The following SRP72 variants were observed in gnomAD, a reference collection of about 807,000 sequenced individuals.
SRP72 encodes the protein signal recognition particle subunit SRP72.
Under a neutral mutation model 96.3 loss-of-function variants are expected in SRP72, and 49 were observed. That is an observed-to-expected ratio of 0.51 (90% CI 0.40 to 0.65). The LOEUF is 0.65. Among genes scored for constraint, SRP72 ranks in the 30% least tolerant of loss-of-function variants. The probability of loss-of-function intolerance (pLI) is 0.00; values close to 1 mark genes in which losing one functional copy is unlikely to be tolerated. For synonymous variants in SRP72, 267 were observed against 275.2 expected, an observed-to-expected ratio of 0.97 and a Z score of 0.30; for missense variants, 736 against 793.3, an observed-to-expected ratio of 0.93 and a Z score of 0.87.
At chr4:56,468,375 G>A (rs2110109476) in intron 1 of SRP72, among the ~76,000 whole-genome samples, 1 of 152,314 alleles carries the variant, frequency 6.6e-6, no homozygotes, top group East Asian at 1.9e-4. Context: ...CGGAAGAAAA[G>A]TTTGGCCTGT....
rs375099407 is a variant in SRP72, at chr4:56,484,811, G to A, written c.1033G>A (p.Ala345Thr). 1.5e-5 allele frequency: 24 copies of A among 1,614,102 alleles called. No homozygotes were observed. The highest frequency in any genetic ancestry group is 2.0e-5 in the Non-Finnish European group (24 of 1,180,032). Residue 345 changes from alanine (A) to threonine (T), a missense_variant, in exon 10 of 19, where the codon GCT becomes ACT. By Grantham distance (58) the Ala-to-Thr change is moderately conservative. This residue lies in a region of SRP72 where 388 missense variants were observed against 431.8 expected (regional missense o/e 0.90). Transcript: ENST00000642900. ...PEHLLPVLIQ[A>T]AQLCREKQHT... The stretch of plus-strand genomic sequence containing the variant: ...GCATCTCTTACCTGTGTTAATCCAA[G>A]CTGCCCAGCTCTGCCGTGAAAAGCA...
At chr4:56,484,633 ATTTGT>A (rs1720634943) in intron 9 of SRP72, 98 bp from the exon 10 acceptor site, 1 of 1,475,168 alleles carries the variant, frequency 6.8e-7, no homozygotes, top group Admixed American at 1.8e-5. Context: ...TTTGGTTAAT[ATTTGT>A]TTCAACTGAT....
At chr4:56,483,411 A>G in intron 9 of SRP72, 141 bp downstream of exon 9, 1 of 776,402 alleles carries the variant, frequency 1.3e-6, no homozygotes, top group East Asian at 3.3e-5. Flanking sequence ...TGCCTTCCTC[A>G]AAATATTATA....
intron 16 of SRP72, among the ~76,000 whole-genome samples, chr4:56,493,868 A>G (rs1475375242): frequency 6.6e-6 from 1 of 152,210 alleles, no homozygotes; most frequent in African/African-American, 2.4e-5. Flanking sequence ...TCTGTCTAAA[A>G]AAAAGGAACT....
At chr4:56,478,747 A>T in intron 8 of SRP72, 98 bp downstream of exon 8, 1 of 1,274,796 alleles carries the variant, frequency 7.8e-7, no homozygotes, top group East Asian at 2.4e-5. Context: ...GTTCTTTTTA[A>T]CATGATGAAA....
intron 1 of SRP72, among the ~76,000 whole-genome samples, chr4:56,468,830 C>T (rs935074516): frequency 5.3e-5 from 8 of 152,142 alleles, no homozygotes; most frequent in Non-Finnish European, 1.2e-4. Context: ...TGCAGGAATT[C>T]TTTAATCAGC....
chr4:56,487,986 A>T lies in SRP72; in HGVS notation c.1197A>T (p.Ile399=), dbSNP rs1282160931. 6.2e-7 allele frequency: 1 copy of T among 1,600,630 alleles called. No homozygotes were observed. The highest frequency in any genetic ancestry group is 8.5e-7 in the Non-Finnish European group (1 of 1,176,776). The change falls in exon 12 of 19, where the codon ATA becomes ATT. Residue 399 remains isoleucine, a synonymous_variant. Coordinates refer to ENST00000642900, the MANE Select transcript of SRP72 (RefSeq NM_006947.4). The part of the protein sequence containing the change: ...ISKACLILRS[I]EELKHKPGMV... ...AAGCATGTCTAATATTGAGAAGCAT[A>T]GAGGAGTTAAAGCATAAACCAGGCA...
rs769113964 is a variant in SRP72 at position 56,474,261 on chromosome 4, G to A, written c.499-19G>A. 9.9e-6 allele frequency: 16 copies of A among 1,613,526 alleles called. No individual in the cohort carries two copies. The highest frequency in any genetic ancestry group is 2.2e-5 in the East Asian group (1 of 44,856). ...ATTATTCATATTTAGTATTTAACTG[G>A]TATTTTGTCCCCTGACAGGAGAACC... On this transcript the variant is annotated intron_variant, in intron 4 of 18. Coordinates refer to ENST00000642900, the MANE Select transcript of SRP72 (RefSeq NM_006947.4).
At chr4:56,467,858 C>A in intron 1 of SRP72, 114 bp downstream of exon 1, 4 of 1,025,778 alleles carry the variant, frequency 3.9e-6, no homozygotes, top group Non-Finnish European at 5.3e-6. Flanking sequence ...ACCCCCGAAA[C>A]CCCCCCGTCT....
rs1386201900 is a variant in SRP72, at chr4:56,495,413, C to G, written c.1678+19C>G. On this transcript the variant is annotated intron_variant, in intron 17 of 18. Coordinates refer to ENST00000642900, the MANE Select transcript of SRP72 (RefSeq NM_006947.4). ...AAGAAGGGTAAGGCATTAAAAAAGTCTTTATAAATTTTCTCCAAAATAAAT... is the reference window on the plus strand; with the variant it reads ...AAGAAGGGTAAGGCATTAAAAAAGTGTTTATAAATTTTCTCCAAAATAAAT... The G allele has an allele frequency of 2.1e-6, 3 of 1,455,710 alleles. No homozygotes were observed. In the South Asian group the frequency reaches 3.6e-5, roughly 18 times the overall value. The allele number at this position is 1,455,710 out of a possible 1,614,324, so 90.2% of individuals were successfully genotyped here.
At position 56,490,451 on chromosome 4, in the gene SRP72, G is replaced by A. The variant is rs774348279; in HGVS notation, c.1424+15G>A. 10 of 1,610,676 alleles carry A rather than the reference G, an allele frequency of 6.2e-6. No individual in the cohort carries two copies. Among genetic ancestry groups the A allele is most frequent in the South Asian group, 2.2e-5 (2 of 90,518 alleles). On this transcript the variant is annotated intron_variant, in intron 14 of 18. Transcript: ENST00000642900. ...CAGCTGTGGAAGTAAGCTCTGAAAC[G>A]TGGAGTTGTAGAAATAACACATTTA...
chr4:56,473,543 C>T (rs910595853), intron 3 of SRP72, among the ~76,000 whole-genome samples: 6 of 151,062 alleles, frequency 4.0e-5, no homozygotes, highest in East Asian at 3.9e-4. Flanking sequence ...CTGAGGTGGG[C>T]GGATCACTTG....
At chr4:56,477,633 C>A (rs150473826) in intron 6 of SRP72, among the ~76,000 whole-genome samples, 268 of 152,172 alleles carry the variant, frequency 1.8e-3, no homozygotes, top group Non-Finnish European at 2.9e-3. Flanking sequence ...TTATCATTTC[C>A]TCATCAAACA....
chr4:56,467,659 G>C lies in SRP72; in HGVS notation c.24G>C (p.Gly8=), dbSNP rs552135994. The change falls in exon 1 of 19, where the codon GGG becomes GGC. Residue 8 remains glycine, a synonymous_variant. Transcript: ENST00000642900. MASGGSG[G]VSVPALWSEV... ...AGATGGCGAGCGGCGGCAGCGGGGGGGTGTCAGTACCTGCGCTGTGGAGTG... is the reference window on the plus strand; with the variant it reads ...AGATGGCGAGCGGCGGCAGCGGGGGCGTGTCAGTACCTGCGCTGTGGAGTG... 12 of 1,559,818 alleles carry C rather than the reference G, an allele frequency of 7.7e-6. No homozygotes were observed. Among genetic ancestry groups the C allele is most frequent in the Middle Eastern group, 3.4e-4 (2 of 5,918 alleles).
chr4:56,494,333 G>A lies in SRP72; in HGVS notation c.1641-1024G>A, dbSNP rs560965640. On this transcript the variant is annotated intron_variant, in intron 16 of 18. Coordinates refer to ENST00000642900, the MANE Select transcript of SRP72 (RefSeq NM_006947.4). ...TTTAGTTCACTGTTTCATATTTCTC[G>A]AGTTATATCACATAAGAATATATAG... 7.2e-5 allele frequency among the ~76,000 whole-genome samples: 11 copies of A among 151,746 alleles called. No individual in the cohort carries two copies. In the East Asian group the frequency reaches 7.8e-4, roughly 11 times the overall value.
At chr4:56,498,267 A>C (rs556841188) in intron 17 of SRP72, among the ~76,000 whole-genome samples, 2 of 152,118 alleles carry the variant, frequency 1.3e-5, no homozygotes, top group Non-Finnish European at 2.9e-5. Flanking sequence ...TATTGATGGA[A>C]TGTATCTCAA....
intron 15 of SRP72, 67 bp downstream of exon 15, chr4:56,490,712 T>C: frequency 7.5e-7 from 1 of 1,339,676 alleles, no homozygotes; most frequent in Non-Finnish European, 1.0e-6. Context: ...GATATCTGTG[T>C]TTTGACCAGA....
intron 8 of SRP72, among the ~76,000 whole-genome samples, chr4:56,480,406 C>T (rs980370119): frequency 6.6e-6 from 1 of 152,076 alleles, no homozygotes; most frequent in Non-Finnish European, 1.5e-5. Flanking sequence ...ACTACAGTCA[C>T]GTGCCACCAC....
chr4:56,490,451 G>T lies in SRP72; in HGVS notation c.1424+15G>T, dbSNP rs774348279. On this transcript the variant is annotated intron_variant, in intron 14 of 18. Transcript: ENST00000642900. ...CAGCTGTGGAAGTAAGCTCTGAAAC[G>T]TGGAGTTGTAGAAATAACACATTTA... is the stretch of plus-strand genomic sequence containing the variant. 4 of 1,610,794 alleles carry T rather than the reference G, an allele frequency of 2.5e-6. No homozygotes were observed. Among genetic ancestry groups the T allele is most frequent in the Non-Finnish European group, 2.5e-6 (3 of 1,178,012 alleles).
Sources: gnomAD v4.1 joint callset for allele counts (sites outside exome capture counted in the v4.1 genomes callset) on GRCh38, gnomAD v4.1.1 for gene constraint, gnomAD v4.1.1 regional missense constraint, MANE v1.5 for transcripts, NCBI Gene and HGNC (gene_info 2026-07-23, HGNC 2026-07-21) for gene names.